The following NOC4L variants were observed in gnomAD, a reference collection of about 807,000 sequenced individuals.
NOC4L encodes the protein nucleolar complex protein 4 homolog.
NOC4L carries 40 observed loss-of-function variants against 62.8 expected under a neutral mutation model. The ratio of observed to expected loss-of-function variants is 0.64; its 90% CI spans 0.49 to 0.83. The LOEUF (loss-of-function observed/expected upper bound fraction) is 0.83. Ranked by LOEUF, NOC4L falls within the 40% of genes least tolerant of loss-of-function variation. The pLI is 0.00. For missense variants in NOC4L, 927 were observed against 701.9 expected (o/e 1.32, Z -3.62); for synonymous variants, 433 against 299.8 (o/e 1.44, Z -4.59).
chr12:132,147,408 C>T lies in NOC4L; in HGVS notation c.453+20C>T, dbSNP rs1351571449. ...TTCAAGGTGAGGGCCTTGCTGGGGACTCCCAGAGGGCCTGGCTGGCTGGCC... is the reference window on the plus strand; with the variant it reads ...TTCAAGGTGAGGGCCTTGCTGGGGATTCCCAGAGGGCCTGGCTGGCTGGCC... On this transcript the variant is annotated intron_variant, in intron 4 of 14. Transcript: ENST00000330579. 14 of 1,532,206 alleles carry T rather than the reference C, an allele frequency of 9.1e-6. No individual in the cohort carries two copies. Among genetic ancestry groups the T allele is most frequent in the Non-Finnish European group, 1.2e-5 (13 of 1,125,294 alleles). 94.9% of individuals were successfully genotyped at this position (1,532,206 alleles called of 1,614,324 possible).
chr12:132,150,931 G>A (rs1172515186), intron 9 of NOC4L, 50 bp from the exon 10 acceptor site: 1 of 1,371,142 alleles, frequency 7.3e-7, no homozygotes, highest in Non-Finnish European at 1.0e-6. Context: ...GCAGGGGGTA[G>A]GGTGGGAGCG....
At chr12:132,147,038 C>T (rs1302062811) in intron 3 of NOC4L, among the ~76,000 whole-genome samples, 1 of 152,364 alleles carries the variant, frequency 6.6e-6, no homozygotes, top group African/African-American at 2.4e-5. Context: ...GCTGTGTACC[C>T]TTCCCCCGCC....
At position 132,151,321 on chromosome 12, in the gene NOC4L, G is replaced by T. The variant is rs1185193633; in HGVS notation, c.1026G>T (p.Lys342Asn). The change falls in exon 11 of 15, where the codon AAG (lysine) becomes AAT (asparagine). Residue 342 changes from lysine to asparagine, a missense_variant. Lys to Asn is a moderately conservative substitution (Grantham distance 94). Transcript: ENST00000330579. ...TGGACCCCTCTGTCTTTCACGTCAA[G>T]TACCGCGCCCGCTTCTTCCACCTGG... ...GLLDPSVFHV[K>N]YRARFFHLAD... The T allele has an allele frequency of 3.7e-6, 6 of 1,611,684 alleles. No homozygotes were observed. The highest frequency in any genetic ancestry group is 5.1e-6 in the Non-Finnish European group (6 of 1,179,974).
At chr12:132,147,579 C>A (rs1897770595) in intron 4 of NOC4L, 54 bp from the exon 5 acceptor site, 4 of 1,591,230 alleles carry the variant, frequency 2.5e-6, no homozygotes, top group Non-Finnish European at 2.6e-6. Flanking sequence ...CCTGCCTGGA[C>A]CTTGCTGGCG....
chr12:132,150,877 A>G (rs1897908420), intron 9 of NOC4L, 104 bp from the exon 10 acceptor site: 1 of 810,198 alleles, frequency 1.2e-6, no homozygotes, highest in Non-Finnish European at 2.0e-6. Context: ...GGGAGGGGAC[A>G]GCAGGGGCAG....
At chr12:132,146,261 A>G (rs928416935) in intron 3 of NOC4L, 1 of 456,064 alleles carries the variant, frequency 2.2e-6, no homozygotes, top group African/African-American at 2.0e-5. Context: ...AAGGGGGATC[A>G]TACGGTATGT....
rs900585378 is a variant in NOC4L, at chr12:132,150,927, G to A, written c.902-54G>A. On this transcript the variant is annotated intron_variant, in intron 9 of 14. Transcript: ENST00000330579. ...AGACTTACACTCAGTGTGGGCAGGG[G>A]GTAGGGTGGGAGCGAGGTCACTGCA... 8.7e-5 allele frequency: 115 copies of A among 1,326,324 alleles called. No homozygotes were observed. The East Asian group carries it at 1.8e-3, about 21-fold the overall frequency. The allele number at this position is 1,326,324 out of a possible 1,614,324, so 82.2% of individuals were successfully genotyped here. A position where few individuals can be genotyped will look rare whatever the true frequency, so the allele number is the denominator to read the frequency against.
Position 132,152,235 on chromosome 12 carries a change from G to A in NOC4L, c.1431+38G>A, listed in dbSNP as rs189769584. 2.2e-4 allele frequency: 352 copies of A among 1,599,956 alleles called. 1 individual carries two copies. The Middle Eastern group carries it at 3.3e-3, about 15-fold the overall frequency. On this transcript the variant is annotated intron_variant, in intron 14 of 14. Transcript: ENST00000330579. ...GCCAGGGTGCGAGGGTCTGGGCCAC[G>A]GGGCGCTGAGCCAAGCCTGAGAGCC...
chr12:132,147,583 G>A (rs765638511), intron 4 of NOC4L, 50 bp from the exon 5 acceptor site: 1 of 1,594,194 alleles, frequency 6.3e-7, no homozygotes, highest in East Asian at 2.2e-5. Context: ...CCTGGACCTT[G>A]CTGGCGTATG....
chr12:132,144,564 A>G lies in NOC4L; in HGVS notation c.76A>G (p.Ser26Gly). Residue 26 changes from serine to glycine, a missense_variant, in exon 1 of 15, where the codon AGT becomes GGT. Ser to Gly is a moderately conservative substitution (Grantham distance 56). Transcript: ENST00000330579. ...GCTGGAGGCGGTGCTGGCGAGCCGC[A>G]GTGAGGCCAACGCCGTGTTCGACAT... The part of the protein sequence containing the change: ...RRLEAVLASR[S>G]EANAVFDILA... The G allele has an allele frequency of 1.3e-6, 2 of 1,521,354 alleles. No individual in the cohort carries two copies. Among genetic ancestry groups the G allele is most frequent in the South Asian group, 1.2e-5 (1 of 82,280 alleles). The allele number at this position is 1,521,354 out of a possible 1,614,324, so 94.2% of individuals were successfully genotyped here.
In NOC4L at chr12:132,148,768, G is replaced by A. The variant is rs750121699; in HGVS notation, c.790-16G>A. ...GCCCACCCGCCCCTCACCCCCACCTGCCGGCCCCCGCCCAGCTGCCCCTCA... is the reference window on the plus strand; with the variant it reads ...GCCCACCCGCCCCTCACCCCCACCTACCGGCCCCCGCCCAGCTGCCCCTCA... On this transcript the variant is annotated splice_polypyrimidine_tract_variant and intron_variant, in intron 8 of 14. Coordinates refer to ENST00000330579, the MANE Select transcript of NOC4L (RefSeq NM_024078.3). The A allele has an allele frequency of 4.1e-5, 20 of 486,310 alleles. No individual in the cohort carries two copies. The South Asian group carries it at 9.9e-4, about 24-fold the overall frequency. 30.1% of individuals were successfully genotyped at this position (486,310 alleles called of 1,614,324 possible).
intron 7 of NOC4L, 89 bp downstream of exon 7, chr12:132,148,195 C>T (rs1030784338): frequency 1.5e-6 from 2 of 1,375,118 alleles, no homozygotes; most frequent in Non-Finnish European, 2.0e-6. Context: ...TGCCGCCTTC[C>T]TCACCAGAGG....
Position 132,152,087 on chromosome 12 carries a change from C to T in NOC4L, c.1321C>T (p.Leu441Phe), listed in dbSNP as rs561965346. 1.4e-5 allele frequency: 22 copies of T among 1,610,996 alleles called. No individual in the cohort carries two copies. Among genetic ancestry groups the T allele is most frequent in the Admixed American group, 1.7e-5 (1 of 59,982 alleles). ...CTTAACGGCCCTACTGCCCCAGGCC[C>T]TCCAGCGCCACTACCACCCTGAGGT... ...LESSLWELQA[L>F]QRHYHPEVSK... The change falls in exon 14 of 15, where the codon CTC becomes TTC. Residue 441 changes from leucine (L) to phenylalanine (F), a missense_variant. Physicochemically the swap from Leu to Phe is conservative, Grantham distance 22 (BLOSUM62 0). Transcript: ENST00000330579.
chr12:132,151,948 G>A (rs555618299), intron 13 of NOC4L, 128 bp downstream of exon 13: 2 of 1,230,864 alleles, frequency 1.6e-6, no homozygotes, highest in African/African-American at 3.0e-5. Flanking sequence ...TGGGTTTGTG[G>A]GTGCTGGGTG....
At chr12:132,146,962 T>G (rs992309707) in intron 3 of NOC4L, among the ~76,000 whole-genome samples, 2 of 151,848 alleles carry the variant, frequency 1.3e-5, no homozygotes, top group Admixed American at 6.6e-5. Flanking sequence ...TTCCCAAGGG[T>G]TATGGTGGCA....
chr12:132,144,701 G>C lies in NOC4L; in HGVS notation c.117+96G>C, dbSNP rs111829499. On this transcript the variant is annotated intron_variant, in intron 1 of 14. Transcript: ENST00000330579. ...CAGGTCCCCAGGAGGTTCCGAGACG[G>C]CGTTGGGGGGTCAGGGTGGGAGGCG... The C allele has an allele frequency of 4.1e-3, 5,993 of 1,451,698 alleles. 206 individuals are homozygous for C. The African/African-American group carries it at 0.074, about 18-fold the overall frequency. The allele number at this position is 1,451,698 out of a possible 1,614,324, so 89.9% of individuals were successfully genotyped here. A position where few individuals can be genotyped will look rare whatever the true frequency, so the allele number is the denominator to read the frequency against.
chr12:132,147,261 C>T lies in NOC4L; in HGVS notation c.346-20C>T, dbSNP rs1241207365. 6 of 1,500,966 alleles carry T rather than the reference C, an allele frequency of 4.0e-6. No homozygotes were observed. The highest frequency in any genetic ancestry group is 2.3e-5 in the Admixed American group (1 of 43,938). 93.0% of individuals were successfully genotyped at this position (1,500,966 alleles called of 1,614,324 possible). ...GTGGGGTGAGGGCATCACAGCCACCCTGCACTGCCCCCTTCCCAGGAGCTG... is the reference window on the plus strand; with the variant it reads ...GTGGGGTGAGGGCATCACAGCCACCTTGCACTGCCCCCTTCCCAGGAGCTG... On this transcript the variant is annotated intron_variant, in intron 3 of 14. Transcript: ENST00000330579.
rs71433694 is a variant in NOC4L at position 132,149,652 on chromosome 12, C to G, written c.901+757C>G. ...CACCCCTAATCCCCTCGGTGAGTGC[C>G]GCCGCCTCACTCCTACCACACCCCT... On this transcript the variant is annotated intron_variant, in intron 9 of 14. Transcript: ENST00000330579. Among the ~76,000 whole-genome samples the G allele has an allele frequency of 6.7e-3, 19 of 2,816 alleles. 1 individual carries two copies. The highest frequency in any genetic ancestry group is 0.058 in the East Asian group (3 of 52). 1.8% of individuals were successfully genotyped at this position (2,816 alleles called of 152,430 possible).
rs759347764 is a variant in NOC4L at position 132,151,653 on chromosome 12, C to T, written c.1234+9C>T. On this transcript the variant is annotated intron_variant, in intron 12 of 14. Coordinates refer to ENST00000330579, the MANE Select transcript of NOC4L (RefSeq NM_024078.3). Reference sequence around the variant, plus strand: ...CCGTCCACACGGCCCTGGTGAGTTGCGGGGCCCTCGGAGGCTGGGCTGGAG... The same window carrying T: ...CCGTCCACACGGCCCTGGTGAGTTGTGGGGCCCTCGGAGGCTGGGCTGGAG... 26 of 1,611,158 alleles carry T rather than the reference C, an allele frequency of 1.6e-5. No individual in the cohort carries two copies. The highest frequency in any genetic ancestry group is 1.2e-4 in the Admixed American group (7 of 59,910).
Sources: gnomAD v4.1 joint callset for allele counts (sites outside exome capture counted in the v4.1 genomes callset) on GRCh38, gnomAD v4.1.1 for gene constraint, MANE v1.5 for transcripts, NCBI Gene and HGNC (gene_info 2026-07-23, HGNC 2026-07-21) for gene names.